The following TMEM108 variants were observed in gnomAD, a reference collection of about 807,000 sequenced individuals.
TMEM108 encodes the protein cancer/testis antigen 124.
TMEM108 carries 12 observed loss-of-function variants against 35.1 expected under a neutral mutation model. The observed-to-expected ratio is 0.34, with a 90% CI of 0.22 to 0.55. TMEM108 has a LOEUF of 0.55. Ranked by LOEUF, TMEM108 falls within the 20% of genes least tolerant of loss-of-function variation. The probability of loss-of-function intolerance (pLI) is 0.89; values close to 1 mark genes in which losing one functional copy is unlikely to be tolerated. For synonymous variants in TMEM108, 287 were observed against 308.6 expected, an observed-to-expected ratio of 0.93 and a Z score of 0.73; for missense variants, 680 against 753.3, an observed-to-expected ratio of 0.90 and a Z score of 1.14.
intron 2 of TMEM108, among the ~76,000 whole-genome samples, chr3:133,210,947 A>T (rs1945826812): frequency 1.3e-5 from 2 of 152,186 alleles, no homozygotes; most frequent in Non-Finnish European, 2.9e-5. Context: ...CACGTATTAA[A>T]ACCATCTTTA....
intron 3 of TMEM108, among the ~76,000 whole-genome samples, chr3:133,253,021 G>T (rs534717163): frequency 6.6e-6 from 1 of 152,292 alleles, no homozygotes; most frequent in African/African-American, 2.4e-5. Context: ...AAGTAATCAA[G>T]AAACTATTTG....
chr3:133,230,714 G>A (rs1234478064), intron 3 of TMEM108, among the ~76,000 whole-genome samples: 2 of 152,162 alleles, frequency 1.3e-5, no homozygotes, highest in South Asian at 2.1e-4. Context: ...ACAGCAAAAT[G>A]TTTGTTGAGT....
At chr3:133,315,339 G>A (rs1198389220) in intron 3 of TMEM108, among the ~76,000 whole-genome samples, 2 of 152,172 alleles carry the variant, frequency 1.3e-5, no homozygotes, top group Non-Finnish European at 2.9e-5. Context: ...GGTCCCTGGG[G>A]AGGGTCCCTC....
chr3:133,223,543 C>T (rs993110211), intron 2 of TMEM108, among the ~76,000 whole-genome samples: 4 of 152,088 alleles, frequency 2.6e-5, no homozygotes, highest in East Asian at 1.9e-4. Flanking sequence ...TTGTTATCCT[C>T]GTAAATTATT....
chr3:133,158,148 T>A (rs904897676), intron 2 of TMEM108, among the ~76,000 whole-genome samples: 2 of 152,086 alleles, frequency 1.3e-5, no homozygotes, highest in African/African-American at 4.8e-5. Context: ...TCCATATTTA[T>A]CTCTGTGGTG....
chr3:133,169,454 A>G (rs777008670), intron 2 of TMEM108, among the ~76,000 whole-genome samples: 3 of 152,168 alleles, frequency 2.0e-5, no homozygotes, highest in Non-Finnish European at 4.4e-5. Context: ...TTTTATTCCT[A>G]GTGTCTGGAC....
At chr3:133,079,783 G>A (rs1357018) in intron 2 of TMEM108, among the ~76,000 whole-genome samples, 73,831 of 152,008 alleles carry the variant, frequency 0.49, 18,467 homozygotes, top group African/African-American at 0.61. Context: ...GGACAGGCAC[G>A]AAGCTTGAAA....
At chr3:133,174,872 T>G (rs1051509729) in intron 2 of TMEM108, among the ~76,000 whole-genome samples, 1 of 151,932 alleles carries the variant, frequency 6.6e-6, no homozygotes, top group African/African-American at 2.4e-5. Flanking sequence ...ACAATCAAAC[T>G]ACTCCGAGCT....
At chr3:133,122,970 C>G (rs1005294626) in intron 2 of TMEM108, among the ~76,000 whole-genome samples, 5 of 151,966 alleles carry the variant, frequency 3.3e-5, no homozygotes, top group Admixed American at 1.3e-4. Flanking sequence ...TAAAGGTAAC[C>G]ACTGTTAAGT....
chr3:133,076,752 G>A (rs1943747194), intron 2 of TMEM108, among the ~76,000 whole-genome samples: 1 of 152,236 alleles, frequency 6.6e-6, no homozygotes, highest in Admixed American at 6.5e-5. Context: ...GGGTTGAGAT[G>A]TAGGAAGGCT....
At chr3:133,244,283 C>A (rs1292573191) in intron 3 of TMEM108, among the ~76,000 whole-genome samples, 2 of 152,228 alleles carry the variant, frequency 1.3e-5, no homozygotes, top group Non-Finnish European at 2.9e-5. Context: ...CCCTACTCCT[C>A]CCATCTCTCT....
At chr3:133,168,722 C>A (rs1026840419) in intron 2 of TMEM108, among the ~76,000 whole-genome samples, 1 of 152,160 alleles carries the variant, frequency 6.6e-6, no homozygotes, top group African/African-American at 2.4e-5. Context: ...CCACTCAGGT[C>A]CCCTTTCACA....
At chr3:133,151,581 G>A (rs141970444) in intron 2 of TMEM108, among the ~76,000 whole-genome samples, 40 of 152,178 alleles carry the variant, frequency 2.6e-4, no homozygotes, top group African/African-American at 8.4e-4. Flanking sequence ...GGAGGAACTC[G>A]AGGGGAAAAT....
intron 3 of TMEM108, among the ~76,000 whole-genome samples, chr3:133,299,747 T>C (rs147050128): frequency 3.3e-5 from 5 of 152,134 alleles, no homozygotes; most frequent in African/African-American, 4.8e-5. Context: ...CCATCATACG[T>C]CTTCAACCCA....
chr3:133,390,228 A>G lies in TMEM108; in HGVS notation c.1499A>G (p.Asn500Ser). ...ATGAAGAGGAAGAAGAAGACCGCCA[A>G]CCCGGAGAACAACCTGAGCTACTGG... ...CCMKRKKKTA[N>S]PENNLSYWNN... Residue 500 changes from asparagine (N) to serine (S), a missense_variant, in exon 5 of 6, where the codon AAC becomes AGC. Asn to Ser is a conservative substitution (Grantham distance 46). Around this residue, in one of 3 missense-constraint regions of TMEM108, gnomAD observed 105 missense variants for 150.7 expected, o/e 0.70. Transcript: ENST00000321871. The G allele has an allele frequency of 1.2e-6, 2 of 1,614,150 alleles. No homozygotes were observed. Among genetic ancestry groups the G allele is most frequent in the Non-Finnish European group, 1.7e-6 (2 of 1,180,034 alleles).
intron 3 of TMEM108, among the ~76,000 whole-genome samples, chr3:133,312,537 G>T (rs1012016103): frequency 2.0e-5 from 3 of 152,236 alleles, no homozygotes; most frequent in African/African-American, 7.2e-5. Flanking sequence ...GGACCCACCA[G>T]GCATGGGAGA....
At chr3:133,123,791 A>G (rs548446189) in intron 2 of TMEM108, among the ~76,000 whole-genome samples, 12 of 152,354 alleles carry the variant, frequency 7.9e-5, no homozygotes, top group African/African-American at 2.6e-4. Flanking sequence ...GTGTCCACCC[A>G]TGTCAACTTT....
chr3:133,112,465 G>A (rs1277957378), intron 2 of TMEM108, among the ~76,000 whole-genome samples: 4 of 152,074 alleles, frequency 2.6e-5, no homozygotes, highest in South Asian at 2.1e-4. Flanking sequence ...TCTCAGTTAT[G>A]CCAACTTCTA....
At chr3:133,073,900 T>C (rs1943709281) in intron 2 of TMEM108, among the ~76,000 whole-genome samples, 1 of 152,098 alleles carries the variant, frequency 6.6e-6, no homozygotes. Flanking sequence ...ATTTCCTTGA[T>C]GATTAGTAAT....
Sources: gnomAD v4.1 joint callset for allele counts (sites outside exome capture counted in the v4.1 genomes callset) on GRCh38, gnomAD v4.1.1 for gene constraint, gnomAD v4.1.1 regional missense constraint, MANE v1.5 for transcripts, NCBI Gene and HGNC (gene_info 2026-07-23, HGNC 2026-07-21) for gene names.